The following CFAP53 variants were observed in gnomAD, a reference collection of about 807,000 sequenced individuals.
CFAP53 encodes the protein cilia- and flagella-associated protein 53.
In CFAP53, 62 loss-of-function variants were observed where a neutral mutation model predicts 59.7. The observed-to-expected ratio is 1.04, with a 90% CI of 0.85 to 1.28. The LOEUF (loss-of-function observed/expected upper bound fraction) is 1.28, where lower values mean the gene tolerates loss of function less well. Among genes scored for constraint, CFAP53 ranks in the 50% most tolerant of loss-of-function variants. The pLI is 0.00. For synonymous variants in CFAP53, 218 were observed against 205.7 expected, an observed-to-expected ratio of 1.06 and a Z score of -0.51; for missense variants, 629 against 615.6, an observed-to-expected ratio of 1.02 and a Z score of -0.23.
chr18:50,248,783 T>TAAA (rs748223121), intron 5 of CFAP53, among the ~76,000 whole-genome samples: 6 of 58,174 alleles, frequency 1.0e-4, no homozygotes, highest in Non-Finnish European at 1.8e-4. Context: ...AGACTCCGCC[T>TAAA]AAAAAAAAAA....
intron 6 of CFAP53, among the ~76,000 whole-genome samples, chr18:50,240,431 A>G (rs536223374): frequency 6.6e-6 from 1 of 152,300 alleles, no homozygotes; most frequent in African/African-American, 2.4e-5. Flanking sequence ...AAATTAGCCA[A>G]TCAGAATTAG....
chr18:50,251,781 T>C lies in CFAP53; in HGVS notation c.477A>G (p.Glu159=), dbSNP rs757752088. 5 of 1,611,170 alleles carry C rather than the reference T, an allele frequency of 3.1e-6. No homozygotes were observed. Residue 159 remains glutamate, a synonymous_variant, in exon 4 of 8, where the codon GAA becomes GAG. Coordinates refer to ENST00000398545, the MANE Select transcript of CFAP53 (RefSeq NM_145020.5). ...VAEKLDQQFR[E]RCEELRVELL... ...ATTCAACACGGAGCTCCTCACAGCG[T>C]TCCCTGAAAGGAAAATTTTAAAAAG...
At chr18:50,240,292 C>T (rs569756688) in intron 6 of CFAP53, among the ~76,000 whole-genome samples, 7 of 152,208 alleles carry the variant, frequency 4.6e-5, no homozygotes, top group Non-Finnish European at 1.0e-4. Flanking sequence ...TTACCTGCTC[C>T]ACCCTAACTC....
rs930129072 is a variant in CFAP53 at position 50,246,570 on chromosome 18, T to A, written c.997-3454A>T. Among the ~76,000 whole-genome samples, 3 of 152,284 alleles carry A rather than the reference T, an allele frequency of 2.0e-5. No homozygotes were observed. In the East Asian group the frequency reaches 5.8e-4, roughly 29 times the overall value. ...TTGTGATCCTAGAGTAGGTAACCATTTTTTAGATAGGACCCCTAAAGCATA... is the reference window on the plus strand; with the variant it reads ...TTGTGATCCTAGAGTAGGTAACCATATTTTAGATAGGACCCCTAAAGCATA... On this transcript the variant is annotated intron_variant, in intron 5 of 7. Transcript: ENST00000398545.
chr18:50,251,629 A>G lies in CFAP53; in HGVS notation c.629T>C (p.Leu210Ser). ...TTGGGCTTCTCGCTTTTCCTTGGCT[A>G]ATCGGTCTTCCTCCCAGAGTTTGGA... The part of the protein sequence containing the change: ...MFSKLWEEDR[L>S]AKEKREAQEA... The change falls in exon 4 of 8, where the codon TTA (leucine) becomes TCA (serine). Residue 210 changes from leucine to serine, a missense_variant. Coordinates refer to ENST00000398545, the MANE Select transcript of CFAP53 (RefSeq NM_145020.5). 1 of 1,614,100 alleles carries G rather than the reference A, an allele frequency of 6.2e-7. No homozygotes were observed. The highest frequency in any genetic ancestry group is 8.5e-7 in the Non-Finnish European group (1 of 1,180,014).
At chr18:50,266,258 C>A in intron 1 of CFAP53, 78 bp downstream of exon 1, 2 of 1,417,186 alleles carry the variant, frequency 1.4e-6, no homozygotes, top group Non-Finnish European at 2.0e-6. Context: ...GGGTGGGGGC[C>A]GAAGTGGGAT....
chr18:50,227,617 A>T lies in CFAP53; in HGVS notation c.1317-8T>A. On this transcript the variant is annotated splice_polypyrimidine_tract_variant and splice_region_variant and intron_variant, in intron 7 of 7. Coordinates refer to ENST00000398545, the MANE Select transcript of CFAP53 (RefSeq NM_145020.5). ...TGGGCTAAACGTTGGCGTCTAAAGT[A>T]TTAGAAATGTCAAAGCATAAAATTA... is the stretch of plus-strand genomic sequence containing the variant. The T allele has an allele frequency of 1.3e-6, 2 of 1,592,006 alleles. No homozygotes were observed. The highest frequency in any genetic ancestry group is 1.7e-6 in the Non-Finnish European group (2 of 1,160,358).
intron 5 of CFAP53, among the ~76,000 whole-genome samples, chr18:50,248,575 G>C (rs1390031572): frequency 6.6e-6 from 1 of 152,004 alleles, no homozygotes; most frequent in Non-Finnish European, 1.5e-5. Flanking sequence ...CTTGAGGTTG[G>C]GAGTTTGAGA....
chr18:50,240,005 T>C (rs1186129919), intron 6 of CFAP53, among the ~76,000 whole-genome samples: 3 of 152,258 alleles, frequency 2.0e-5, no homozygotes, highest in Non-Finnish European at 4.4e-5. Flanking sequence ...GTATGTTCAA[T>C]TCTTTGCCTT....
At chr18:50,231,479 C>T (rs148470609) in intron 7 of CFAP53, among the ~76,000 whole-genome samples, 75 of 152,312 alleles carry the variant, frequency 4.9e-4, no homozygotes, top group Non-Finnish European at 1.5e-5. Context: ...CCCAGAGAGA[C>T]AATTGTAGGT....
chr18:50,241,490 G>T (rs939995071), intron 6 of CFAP53, among the ~76,000 whole-genome samples: 1 of 152,144 alleles, frequency 6.6e-6, no homozygotes, highest in African/African-American at 2.4e-5. Context: ...ATAAACAAAG[G>T]TATAGCATTG....
Position 50,261,125 on chromosome 18 carries a change from T to G in CFAP53, c.412A>C (p.Lys138Gln). The G allele has an allele frequency of 6.3e-7, 1 of 1,599,098 alleles. No individual in the cohort carries two copies. Among genetic ancestry groups the G allele is most frequent in the Non-Finnish European group, 8.5e-7 (1 of 1,176,204 alleles). ...DRMREKTKLL[K>Q]EKNEKERQDF... ...TGCCTCTCTTTTTCATTCTTCTCTTTTAGTAATTTAGTTTTCTCTCTCATC... is the reference window on the plus strand; with the variant it reads ...TGCCTCTCTTTTTCATTCTTCTCTTGTAGTAATTTAGTTTTCTCTCTCATC... The change falls in exon 3 of 8, where the codon AAA becomes CAA. Residue 138 changes from lysine (K) to glutamine (Q), a missense_variant. Lys to Gln is a moderately conservative substitution (Grantham distance 53, BLOSUM62 1). Transcript: ENST00000398545.
At chr18:50,246,529 A>T (rs2033746783) in intron 5 of CFAP53, among the ~76,000 whole-genome samples, 1 of 152,106 alleles carries the variant, frequency 6.6e-6, no homozygotes, top group Admixed American at 6.5e-5. Flanking sequence ...TAACAAGAAA[A>T]CAAAGAAGTA....
Position 50,242,872 on chromosome 18 carries a change from A to G in CFAP53, c.1213+28T>C, listed in dbSNP as rs1239455495. On this transcript the variant is annotated intron_variant, in intron 6 of 7. Transcript: ENST00000398545. ...ACTTAAATTGAATTAAGGGCAAGCTATAATATAACTGTAATTCAGTTCCTT... is the reference window on the plus strand; with the variant it reads ...ACTTAAATTGAATTAAGGGCAAGCTGTAATATAACTGTAATTCAGTTCCTT... 1.9e-6 allele frequency: 3 copies of G among 1,565,792 alleles called. No individual in the cohort carries two copies. The East Asian group carries it at 6.7e-5, about 35-fold the overall frequency.
chr18:50,261,480 C>G (rs1272879544), intron 2 of CFAP53, among the ~76,000 whole-genome samples: 1 of 152,140 alleles, frequency 6.6e-6, no homozygotes, highest in African/African-American at 2.4e-5. Flanking sequence ...CAGCCTTGAC[C>G]TCCTGGGCTC....
chr18:50,234,300 A>C (rs2144403345), intron 7 of CFAP53, among the ~76,000 whole-genome samples: 1 of 152,342 alleles, frequency 6.6e-6, no homozygotes. Context: ...ATAGGGGTTG[A>C]GATTGGACAA....
At chr18:50,248,994 GGAGTTT>G (rs1333230423) in intron 5 of CFAP53, among the ~76,000 whole-genome samples, 2 of 151,970 alleles carry the variant, frequency 1.3e-5, no homozygotes, top group Non-Finnish European at 2.9e-5. Flanking sequence ...CCTGAGGTCA[GGAGTTT>G]GAGACCAGCC....
At chr18:50,264,016 G>T (rs930102930) in intron 1 of CFAP53, among the ~76,000 whole-genome samples, 3 of 152,158 alleles carry the variant, frequency 2.0e-5, no homozygotes, top group Non-Finnish European at 4.4e-5. Context: ...TAAATATAAT[G>T]CAAAACAGAT....
intron 5 of CFAP53, 26 bp downstream of exon 5, chr18:50,250,732 T>C (rs757896182): frequency 7.6e-6 from 12 of 1,571,926 alleles, no homozygotes; most frequent in South Asian, 3.3e-5. Context: ...TTCCAGCAGG[T>C]AGCAGGCACC....
Sources: allele counts gnomAD v4.1 joint callset (sites outside exome capture counted in the v4.1 genomes callset), GRCh38; gene constraint gnomAD v4.1.1; transcripts MANE v1.5; gene names NCBI Gene and HGNC (gene_info 2026-07-23, HGNC 2026-07-21).